The following IQSEC1 variants were observed in gnomAD, a reference collection of about 807,000 sequenced individuals.
IQSEC1 encodes IQ motif and SEC7 domain-containing protein 1.
A neutral mutation model predicts 91.0 loss-of-function variants in IQSEC1; 31 were observed. The observed-to-expected ratio is 0.34, with a 90% CI of 0.26 to 0.46. The LOEUF is 0.46. IQSEC1 is among the 20% of genes least tolerant of loss of function. IQSEC1 has a pLI of 1.00. For missense variants in IQSEC1, 1,388 were observed against 1,575.6 expected (o/e 0.88, Z 2.02); for synonymous variants, 699 against 662.6 (o/e 1.05, Z -0.84).
chr3:13,189,628 C>T lies in IQSEC1; in HGVS notation c.273-25495G>A, dbSNP rs79344577. On this transcript the variant is annotated intron_variant, in intron 1 of 15. Coordinates refer to the IQSEC1 transcript ENST00000648114. Reference sequence around the variant, plus strand: ...TCTCAGAGGAAAACTGAACTGCATTCCCTTCTTACTGGCATGTGCAGCTGG... The same window carrying T: ...TCTCAGAGGAAAACTGAACTGCATTTCCTTCTTACTGGCATGTGCAGCTGG... Among the ~76,000 whole-genome samples, 1,484 of 152,328 alleles carry T rather than the reference C, an allele frequency of 9.7e-3. 17 individuals carry two copies. Among genetic ancestry groups the T allele is most frequent in the Non-Finnish European group, 0.013 (861 of 68,030 alleles).
chr3:13,022,359 A>G, intron 1 of IQSEC1: 1 of 1,173,112 alleles, frequency 8.5e-7, no homozygotes, highest in Non-Finnish European at 1.1e-6. Context: ...TAGCTGCTCC[A>G]GACCCTCCTG....
intron 1 of IQSEC1, among the ~76,000 whole-genome samples, chr3:13,253,554 C>T (rs1695236151): frequency 6.6e-6 from 1 of 152,236 alleles, no homozygotes; most frequent in Non-Finnish European, 1.5e-5. Flanking sequence ...GAAAACTACA[C>T]TCAACTCCAT....
rs756471479 is a variant in IQSEC1 at position 12,936,443 on chromosome 3, C to G, written c.573G>C (p.Gln191His). ...KQVSVTNDGS[Q>H]LGALVSPECG... ...ACTCAGGGGACACCAGGGCTCCCAG[C>G]TGGGAGCCGTCGTTAGTCACTGAGA... is the stretch of plus-strand genomic sequence containing the variant. The change falls in exon 3 of 14, where the codon CAG becomes CAC. Residue 191 changes from glutamine (Q) to histidine (H), a missense_variant. Gln to His is a conservative substitution (Grantham distance 24). Transcript: ENST00000613206. 6.2e-7 allele frequency: 1 copy of G among 1,604,912 alleles called. No individual in the cohort carries two copies. The highest frequency in any genetic ancestry group is 8.5e-7 in the Non-Finnish European group (1 of 1,174,080).
At chr3:13,128,898 G>T (rs201197635) in intron 2 of IQSEC1, among the ~76,000 whole-genome samples, 6 of 117,446 alleles carry the variant, frequency 5.1e-5, no homozygotes, top group Admixed American at 1.7e-4. Context: ...AAAAAAAAAA[G>T]AAATGTTACA....
intron 1 of IQSEC1, among the ~76,000 whole-genome samples, chr3:13,177,194 C>T (rs956811755): frequency 2.0e-5 from 3 of 152,226 alleles, no homozygotes; most frequent in Admixed American, 6.5e-5. Context: ...GGCCAAGTGA[C>T]AGTTTGTGAA....
At chr3:13,220,276 C>T (rs1454098546) in intron 1 of IQSEC1, among the ~76,000 whole-genome samples, 4 of 152,240 alleles carry the variant, frequency 2.6e-5, no homozygotes, top group South Asian at 2.1e-4. Flanking sequence ...AGACCTTGAT[C>T]GCCTCAAATT....
intron 12 of IQSEC1, among the ~76,000 whole-genome samples, chr3:12,907,138 C>A (rs1236289624): frequency 1.3e-5 from 2 of 152,190 alleles, no homozygotes; most frequent in Admixed American, 1.3e-4. Context: ...GTCAATCAAG[C>A]CGAGGTTGAG....
intron 2 of IQSEC1, among the ~76,000 whole-genome samples, chr3:13,147,610 T>C (rs1302852270): frequency 6.6e-6 from 1 of 152,202 alleles, no homozygotes; most frequent in Non-Finnish European, 1.5e-5. Context: ...CAATTGTGAA[T>C]TGTGCTGCAA....
chr3:13,106,929 T>C (rs1706161667), intron 2 of IQSEC1, among the ~76,000 whole-genome samples: 1 of 152,222 alleles, frequency 6.6e-6, no homozygotes, highest in Admixed American at 6.5e-5. Flanking sequence ...CCACGGCCCA[T>C]TAAAGTTAAC....
chr3:13,184,640 A>G (rs1253239434), intron 1 of IQSEC1, among the ~76,000 whole-genome samples: 1 of 152,228 alleles, frequency 6.6e-6, no homozygotes, highest in Non-Finnish European at 1.5e-5. Flanking sequence ...TACAGATTGG[A>G]AAAGAAGAAC....
intron 2 of IQSEC1, among the ~76,000 whole-genome samples, chr3:13,121,646 G>A (rs1175270092): frequency 6.6e-6 from 1 of 152,214 alleles, no homozygotes; most frequent in Non-Finnish European, 1.5e-5. Flanking sequence ...CGGGCAGCCA[G>A]GACCAAGGCC....
intron 1 of IQSEC1, among the ~76,000 whole-genome samples, chr3:13,262,000 C>T (rs954934564): frequency 6.6e-6 from 1 of 152,198 alleles, no homozygotes; most frequent in African/African-American, 2.4e-5. Flanking sequence ...CCTGTAAGAG[C>T]GTGAAGCCAT....
intron 1 of IQSEC1, among the ~76,000 whole-genome samples, chr3:13,063,700 A>G (rs1372369550): frequency 6.6e-6 from 1 of 152,262 alleles, no homozygotes; most frequent in African/African-American, 2.4e-5. Flanking sequence ...GGGGCCAGCC[A>G]GGCCCCAGCT....
intron 1 of IQSEC1, among the ~76,000 whole-genome samples, chr3:13,233,771 G>T (rs1694873742): frequency 6.6e-6 from 1 of 152,178 alleles, no homozygotes. Flanking sequence ...ACTCCCCAGG[G>T]AAGAGTGAGG....
chr3:13,074,640 G>A (rs895361765), upstream of IQSEC1, among the ~76,000 whole-genome samples: 14 of 152,324 alleles, frequency 9.2e-5, no homozygotes, highest in South Asian at 6.2e-4. Flanking sequence ...CATAGCTGGC[G>A]GGCAGTCTGG....
rs971628298 is a variant in IQSEC1, at chr3:13,103,628, G to A, written c.303-56106C>T. ...CATTGGGGTGGGCAATTTGCAGGATGAGCTTCACATGCAGCACGCACTGGG... is the reference window on the plus strand; with the variant it reads ...CATTGGGGTGGGCAATTTGCAGGATAAGCTTCACATGCAGCACGCACTGGG... On this transcript the variant is annotated intron_variant, in intron 2 of 15. Transcript: ENST00000648114. The surrounding 1 kb of genome is among the most constrained non-coding windows in gnomAD (Gnocchi z 4.1). 6.6e-6 allele frequency among the ~76,000 whole-genome samples: 1 copy of A among 152,146 alleles called. No individual in the cohort carries two copies. The highest frequency in any genetic ancestry group is 1.5e-5 in the Non-Finnish European group (1 of 68,022).
chr3:13,027,300 T>C (rs999671555), intron 1 of IQSEC1, among the ~76,000 whole-genome samples: 1 of 152,110 alleles, frequency 6.6e-6, no homozygotes, highest in Non-Finnish European at 1.5e-5. Flanking sequence ...GCCACTAATA[T>C]CCAGTGCGCA....
chr3:12,974,679 A>C (rs1701073926), intron 1 of IQSEC1, among the ~76,000 whole-genome samples: 1 of 152,106 alleles, frequency 6.6e-6, no homozygotes, highest in South Asian at 2.1e-4. Flanking sequence ...CCGTTCCCTA[A>C]ACTCCCCCCA....
At chr3:13,245,948 T>A (rs1414685513) in intron 1 of IQSEC1, among the ~76,000 whole-genome samples, 2 of 152,132 alleles carry the variant, frequency 1.3e-5, no homozygotes, top group South Asian at 4.2e-4. Flanking sequence ...TCTATTATCA[T>A]GGACCTGAAC....
Sources: allele counts gnomAD v4.1 joint callset (sites outside exome capture counted in the v4.1 genomes callset), GRCh38; gene constraint gnomAD v4.1.1; non-coding constraint Gnocchi (gnomAD v3.1); transcripts MANE v1.5; gene names NCBI Gene and HGNC (gene_info 2026-07-23, HGNC 2026-07-21).